TENM1: variants seen among roughly 807,000 people sequenced by gnomAD.
TENM1 encodes teneurin transmembrane protein 1.
Under a neutral mutation model 174.8 loss-of-function variants are expected in TENM1, and 35 were observed. The ratio of observed to expected loss-of-function variants is 0.20; its 90% CI spans 0.15 to 0.27. The LOEUF (loss-of-function observed/expected upper bound fraction) is 0.27, where lower values mean the gene tolerates loss of function less well. TENM1 is among the 10% of genes least tolerant of loss of function. TENM1 has a pLI of 1.00. For synonymous variants in TENM1, 781 were observed against 798.7 expected (o/e 0.98, Z 0.37); for missense variants, 1,633 against 2,130.1 (o/e 0.77, Z 4.59).
chrX:124,692,484 A>G (rs775554478), intron 5 of TENM1, among the ~76,000 whole-genome samples: 1 of 110,271 alleles, frequency 9.1e-6, no homozygotes, highest in Non-Finnish European at 1.9e-5. Flanking sequence ...AAAAGGATCT[A>G]TCTTACTGAT....
At position 124,913,528 on chromosome X, in the gene TENM1, G is replaced by A. The variant is rs1233236646; in HGVS notation, c.218-17287C>T. Among the ~76,000 whole-genome samples, 4 of 111,577 alleles carry A rather than the reference G, an allele frequency of 3.6e-5. No homozygotes were observed. The East Asian group carries it at 1.1e-3, about 32-fold the overall frequency. The stretch of plus-strand genomic sequence containing the variant: ...CCTTCTTGATAAAAATGATTAATAG[G>A]TATATAGGTCTATACATATATACAC... On this transcript the variant is annotated intron_variant, in intron 1 of 31. Transcript: ENST00000422452.
chrX:124,863,685 C>A (rs1323262449), intron 3 of TENM1, among the ~76,000 whole-genome samples: 1 of 112,352 alleles, frequency 8.9e-6, no homozygotes, highest in Admixed American at 9.4e-5. Context: ...CCTTGCTGAC[C>A]TGAAGGGAAG....
chrX:124,996,055 T>C, the TENM1 span, among the ~76,000 whole-genome samples: 2 of 111,439 alleles, frequency 1.8e-5, no homozygotes, highest in East Asian at 5.6e-4. Context: ...ATTTATGAAA[T>C]GCTCTTCTGG....
chrX:124,608,962 A>G (rs754536226), intron 11 of TENM1, among the ~76,000 whole-genome samples: 4 of 111,155 alleles, frequency 3.6e-5, no homozygotes, highest in South Asian at 7.6e-4. Context: ...AATCAATACA[A>G]TCTTATGAGT....
At chrX:125,017,797 C>T in the TENM1 span, among the ~76,000 whole-genome samples, 1 of 111,346 alleles carries the variant, frequency 9.0e-6, no homozygotes, top group African/African-American at 3.3e-5. Context: ...CATGTTCTTA[C>T]TCATAAGTGG....
chrX:125,010,079 G>A, the TENM1 span, among the ~76,000 whole-genome samples: 5 of 111,460 alleles, frequency 4.5e-5, no homozygotes, highest in East Asian at 5.7e-4. Flanking sequence ...AATAGGAAGC[G>A]AGGAAGTCAA....
intron 14 of TENM1, among the ~76,000 whole-genome samples, chrX:124,549,935 G>A (rs1335892618): frequency 9.4e-6 from 1 of 106,806 alleles, no homozygotes; most frequent in Non-Finnish European, 1.9e-5. Context: ...TAATTGTTCA[G>A]AATTGGAAGC....
intron 14 of TENM1, among the ~76,000 whole-genome samples, chrX:124,560,142 C>T (rs2072353426): frequency 9.2e-6 from 1 of 108,500 alleles, no homozygotes; most frequent in African/African-American, 3.4e-5. Context: ...ACAAGGTTTT[C>T]AAGTTATATG....
intron 1 of TENM1, among the ~76,000 whole-genome samples, chrX:124,934,064 A>G (rs2058210986): frequency 8.9e-6 from 1 of 112,055 alleles, no homozygotes; most frequent in South Asian, 3.7e-4. Flanking sequence ...ATGTATGTGG[A>G]TTACATATTT....
At chrX:124,555,706 G>GC (rs2048678716) in intron 14 of TENM1, among the ~76,000 whole-genome samples, 1 of 111,913 alleles carries the variant, frequency 8.9e-6, no homozygotes, top group Non-Finnish European at 1.9e-5. Flanking sequence ...TGGGGACAAT[G>GC]CCCCAAAGAA....
chrX:124,997,117 G>C, the TENM1 span, among the ~76,000 whole-genome samples: 1 of 111,072 alleles, frequency 9.0e-6, no homozygotes, highest in Non-Finnish European at 1.9e-5. Flanking sequence ...TTTATGAAAG[G>C]ATAAGGCAAA....
exon 5 of TENM1, chrX:124,705,076 A>C: frequency 1.7e-6 from 2 of 1,211,608 alleles, no homozygotes; most frequent in Non-Finnish European, 2.2e-6. Flanking sequence ...AATGCTGTGC[A>C]CTTCCAGTTG....
intron 23 of TENM1, among the ~76,000 whole-genome samples, chrX:124,434,025 CTA>C (rs1034421594): frequency 1.6e-4 from 18 of 111,853 alleles, no homozygotes; most frequent in Admixed American, 1.5e-3. Context: ...TTCAGAAAGT[CTA>C]TGAGGTCAAA....
chrX:124,650,628 T>C (rs2051282187), intron 8 of TENM1, among the ~76,000 whole-genome samples: 1 of 111,760 alleles, frequency 8.9e-6, no homozygotes, highest in African/African-American at 3.3e-5. Flanking sequence ...TTCTAATTTA[T>C]CTAATTTTTA....
At chrX:125,056,320 T>C in the TENM1 span, among the ~76,000 whole-genome samples, 1 of 111,747 alleles carries the variant, frequency 8.9e-6, no homozygotes, top group Non-Finnish European at 1.9e-5. Context: ...TCAATATGAA[T>C]GGTGAGAATG....
intron 10 of TENM1, among the ~76,000 whole-genome samples, chrX:124,644,603 A>G (rs146329324): frequency 0.01 from 1,124 of 110,900 alleles, 11 homozygotes; most frequent in African/African-American, 0.035. Flanking sequence ...ATATAAAGGC[A>G]TGGCTTTGAA....
At chrX:124,930,807 C>A (rs2058158614) in intron 1 of TENM1, among the ~76,000 whole-genome samples, 1 of 111,885 alleles carries the variant, frequency 8.9e-6, no homozygotes, top group African/African-American at 3.3e-5. Context: ...TGAGACAGAG[C>A]ACAGCAGAGC....
chrX:125,126,368 C>T, the TENM1 span, among the ~76,000 whole-genome samples: 11 of 111,548 alleles, frequency 9.9e-5, no homozygotes, highest in Non-Finnish European at 1.9e-4. Flanking sequence ...AGGGAGGTGA[C>T]AGCCCATTGC....
the TENM1 span, among the ~76,000 whole-genome samples, chrX:125,165,417 A>T: frequency 8.9e-6 from 1 of 111,959 alleles, no homozygotes; most frequent in Non-Finnish European, 1.9e-5. Flanking sequence ...TCTCCATAGG[A>T]AGCCTAAATT....
Sources: allele counts gnomAD v4.1 joint callset (sites outside exome capture counted in the v4.1 genomes callset), GRCh38; gene constraint gnomAD v4.1.1; transcripts MANE v1.5; gene names NCBI Gene and HGNC (gene_info 2026-07-23, HGNC 2026-07-21).